ARPP21: variants seen among roughly 807,000 people sequenced by gnomAD.
ARPP21 encodes the protein cAMP regulated phosphoprotein 21, also known as cAMP-regulated phosphoprotein 21.
ARPP21 carries 69 observed loss-of-function variants against 113.2 expected under a neutral mutation model. The observed-to-expected ratio is 0.61, with a 90% confidence interval of 0.50 to 0.74. The LOEUF is 0.74. Among genes scored for constraint, ARPP21 ranks in the 30% least tolerant of loss-of-function variants. The pLI, the probability that ARPP21 is intolerant of heterozygous loss-of-function variation, is 0.00. For synonymous variants in ARPP21, 368 were observed against 375.5 expected, an observed-to-expected ratio of 0.98 and a Z score of 0.23; for missense variants, 1,070 against 1,037.4, an observed-to-expected ratio of 1.03 and a Z score of -0.43.
chr3:35,745,483 A>G (rs1300982611), intron 19 of ARPP21, among the ~76,000 whole-genome samples: 18 of 152,178 alleles, frequency 1.2e-4, no homozygotes, highest in Admixed American at 1.2e-3. Context: ...GTTTGGTGCC[A>G]TTGTGTGGCA....
chr3:35,670,493 G>A (rs772541880), intron 1 of ARPP21, among the ~76,000 whole-genome samples: 5 of 152,058 alleles, frequency 3.3e-5, no homozygotes, highest in African/African-American at 7.2e-5. Flanking sequence ...TCCTGTGATC[G>A]TAATTCTCAC....
At position 35,738,196 on chromosome 3, in the gene ARPP21, AT is replaced by A; in HGVS notation, c.1645-12del. ...CCAGTGCTTTTCTGTCAGCTGATCA[AT>A]TTTTTCTTTCCTCCAGTCTGTCCAG... On this transcript the variant is annotated splice_polypyrimidine_tract_variant and intron_variant, in intron 16 of 20. Transcript: ENST00000684406. 4 of 1,490,312 alleles carry A rather than the reference AT, an allele frequency of 2.7e-6. No individual in the cohort carries two copies. The highest frequency in any genetic ancestry group is 3.6e-6 in the Non-Finnish European group (4 of 1,105,022). The allele number at this position is 1,490,312 out of a possible 1,614,324, so 92.3% of individuals were successfully genotyped here. A position where few individuals can be genotyped will look rare whatever the true frequency, so the allele number is the denominator to read the frequency against.
chr3:35,769,560 A>G (rs929158054), intron 19 of ARPP21, among the ~76,000 whole-genome samples: 1 of 152,176 alleles, frequency 6.6e-6, no homozygotes, highest in Non-Finnish European at 1.5e-5. Context: ...TTTAAAAATT[A>G]TTTAATGGTC....
intron 19 of ARPP21, chr3:35,781,337 G>A (rs2096524785): frequency 6.6e-6 from 1 of 152,176 alleles, no homozygotes; most frequent in South Asian, 2.1e-4. Flanking sequence ...TCTTAGCCTG[G>A]AGCAAGCCAT....
At chr3:35,692,272 A>G (rs147668678) in intron 9 of ARPP21, among the ~76,000 whole-genome samples, 52 of 151,806 alleles carry the variant, frequency 3.4e-4, no homozygotes, top group Non-Finnish European at 5.9e-4. Context: ...TTCCTATTTT[A>G]TCTGGTTGTT....
At chr3:35,787,306 T>C (rs1393463067) in intron 19 of ARPP21, among the ~76,000 whole-genome samples, 2 of 152,226 alleles carry the variant, frequency 1.3e-5, no homozygotes, top group Non-Finnish European at 2.9e-5. Flanking sequence ...AGTCAAATCA[T>C]TGAATTGATC....
intron 20 of ARPP21, among the ~76,000 whole-genome samples, chr3:35,793,272 T>C (rs142624374): frequency 5.9e-5 from 9 of 152,310 alleles, no homozygotes; most frequent in African/African-American, 2.2e-4. Context: ...CCCTTTTCAC[T>C]GTGGAGGACT....
At chr3:35,713,330 T>C (rs1364921754) in intron 11 of ARPP21, among the ~76,000 whole-genome samples, 1 of 152,140 alleles carries the variant, frequency 6.6e-6, no homozygotes, top group Non-Finnish European at 1.5e-5. Context: ...GTTGAGGGGA[T>C]AATGAGATAA....
chr3:35,668,025 A>AGAAGAG (rs1575603774), intron 1 of ARPP21, among the ~76,000 whole-genome samples: 1 of 147,632 alleles, frequency 6.8e-6, no homozygotes, highest in Non-Finnish European at 1.5e-5. Flanking sequence ...AAGAAGAAGA[A>AGAAGAG]GAAGAAGGAG....
intron 7 of ARPP21, 118 bp downstream of exon 7, chr3:35,689,503 TC>T: frequency 1.6e-6 from 1 of 609,942 alleles, no homozygotes; most frequent in Non-Finnish European, 2.9e-6. Context: ...TTCCCTGACG[TC>T]TTAAACTGTC....
chr3:35,702,445 A>G (rs2086794919), intron 9 of ARPP21, among the ~76,000 whole-genome samples: 2 of 151,812 alleles, frequency 1.3e-5, no homozygotes, highest in South Asian at 4.1e-4. Flanking sequence ...TAAGTCTCCA[A>G]ATCCACGTAG....
At chr3:35,696,379 G>A (rs562408794) in intron 9 of ARPP21, among the ~76,000 whole-genome samples, 1 of 151,650 alleles carries the variant, frequency 6.6e-6, no homozygotes, top group African/African-American at 2.4e-5. Flanking sequence ...CTGCATTTTT[G>A]TTGGTGCTCA....
chr3:35,687,110 C>T lies in ARPP21; in HGVS notation c.262-629C>T, dbSNP rs149326919. 1.5e-3 allele frequency among the ~76,000 whole-genome samples: 220 copies of T among 151,146 alleles called. 4 individuals carry two copies. The East Asian group carries it at 0.035, about 24-fold the overall frequency. On this transcript the variant is annotated intron_variant, in intron 5 of 20. Coordinates refer to ENST00000684406, the MANE Select transcript of ARPP21 (RefSeq NM_001385562.1). ...TTCTAAAAGGCAATGCTTATTGTAA[C>T]TATTCATTATAATGATTTATTAGTA...
chr3:35,704,867 A>C (rs938440443), intron 9 of ARPP21, among the ~76,000 whole-genome samples: 1 of 152,038 alleles, frequency 6.6e-6, no homozygotes, highest in South Asian at 2.1e-4. Flanking sequence ...ACTGACATGA[A>C]ACTTAAATTC....
chr3:35,750,269 C>T (rs55776130), intron 19 of ARPP21, among the ~76,000 whole-genome samples: 5,040 of 151,544 alleles, frequency 0.033, 145 homozygotes, highest in South Asian at 0.11. Context: ...GCTGTATTTT[C>T]GTTTTCATTC....
chr3:35,754,226 C>T (rs867351737), intron 19 of ARPP21, among the ~76,000 whole-genome samples: 5 of 151,874 alleles, frequency 3.3e-5, no homozygotes, highest in Non-Finnish European at 2.9e-5. Context: ...AAGTTACATA[C>T]ATTTTAATAT....
intron 1 of ARPP21, among the ~76,000 whole-genome samples, chr3:35,663,746 G>A (rs1041563288): frequency 6.6e-6 from 1 of 152,090 alleles, no homozygotes; most frequent in Admixed American, 6.5e-5. Flanking sequence ...ACAGTCCTCC[G>A]GAGTAATGCT....
At chr3:35,786,089 G>A (rs11720807) in intron 19 of ARPP21, among the ~76,000 whole-genome samples, 33,833 of 152,080 alleles carry the variant, frequency 0.22, 3,967 homozygotes, top group Non-Finnish European at 0.26. Context: ...CTCTTTCCAC[G>A]TTATGCTATT....
intron 19 of ARPP21, among the ~76,000 whole-genome samples, chr3:35,775,271 T>C (rs756365741): frequency 3.9e-5 from 6 of 152,128 alleles, no homozygotes; most frequent in Non-Finnish European, 7.4e-5. Context: ...TAGTGAACAA[T>C]TGGTTAAAGA....
Sources: gnomAD v4.1 joint callset for allele counts (sites outside exome capture counted in the v4.1 genomes callset) on GRCh38, gnomAD v4.1.1 for gene constraint, MANE v1.5 for transcripts, NCBI Gene and HGNC (gene_info 2026-07-23, HGNC 2026-07-21) for gene names.